Variants in RORA observed in about 807,000 individuals in gnomAD.
The protein encoded by RORA is RAR related orphan receptor A.
In RORA, 7 loss-of-function variants were observed where a neutral mutation model predicts 69.5. The ratio of observed to expected loss-of-function variants is 0.10; its 90% CI spans 0.06 to 0.19. The LOEUF (loss-of-function observed/expected upper bound fraction) is 0.19, where lower values mean the gene tolerates loss of function less well. Among genes scored for constraint, RORA ranks in the 10% least tolerant of loss-of-function variants. The probability of loss-of-function intolerance (pLI) is 1.00; values close to 1 mark genes in which losing one functional copy is unlikely to be tolerated. For missense variants in RORA, 457 were observed against 663.0 expected, an observed-to-expected ratio of 0.69 and a Z score of 3.41; for synonymous variants, 261 against 240.8, an observed-to-expected ratio of 1.08 and a Z score of -0.78.
chr15:60,863,999 A>G (rs1199388552), intron 1 of RORA, among the ~76,000 whole-genome samples: 1 of 151,850 alleles, frequency 6.6e-6, no homozygotes, highest in Non-Finnish European at 1.5e-5. Flanking sequence ...TAGAGAGGGA[A>G]TTTCACCATA....
intron 1 of RORA, among the ~76,000 whole-genome samples, chr15:61,012,691 C>T (rs888273479): frequency 1.6e-4 from 25 of 152,044 alleles, no homozygotes; most frequent in African/African-American, 4.8e-4. Context: ...ATTCTGTCAC[C>T]GAGGCTAGAG....
intron 1 of RORA, among the ~76,000 whole-genome samples, chr15:60,992,060 G>T (rs192275666): frequency 6.6e-6 from 1 of 152,210 alleles, no homozygotes; most frequent in African/African-American, 2.4e-5. Flanking sequence ...GTGAAATAGT[G>T]TTAAGTAAAA....
At chr15:61,136,828 A>G (rs1033217504) in intron 1 of RORA, among the ~76,000 whole-genome samples, 5 of 152,180 alleles carry the variant, frequency 3.3e-5, no homozygotes, top group African/African-American at 1.2e-4. Flanking sequence ...TCTTCCTAAC[A>G]TTTATGGTCT....
chr15:60,699,428 G>A (rs1030292764), intron 1 of RORA, among the ~76,000 whole-genome samples: 1 of 152,052 alleles, frequency 6.6e-6, no homozygotes, highest in Non-Finnish European at 1.5e-5. Context: ...ACTATCTTAT[G>A]TCTTTCTTTG....
chr15:61,135,187 C>T (rs1242134212), intron 1 of RORA, among the ~76,000 whole-genome samples: 1 of 147,688 alleles, frequency 6.8e-6, no homozygotes, highest in Non-Finnish European at 1.5e-5. Flanking sequence ...AAAAATTAGC[C>T]AAGCGTGGTG....
Position 60,493,636 on chromosome 15 carries a change from A to T in RORA, c.*3819T>A, listed in dbSNP as rs939114075. 2 of 152,144 alleles carry T rather than the reference A, an allele frequency of 1.3e-5. No homozygotes were observed. Among genetic ancestry groups the T allele is most frequent in the African/African-American group, 4.8e-5 (2 of 41,448 alleles). The allele number at this position is 152,144 out of a possible 1,614,324, so 9.4% of individuals were successfully genotyped here. A position where few individuals can be genotyped will look rare whatever the true frequency, so the allele number is the denominator to read the frequency against. ...ACAAATTCCATCAAGAAAATAATACAAAGTTTGTTTGTTTGTATTTTTTTT... is the reference window on the plus strand; with the variant it reads ...ACAAATTCCATCAAGAAAATAATACTAAGTTTGTTTGTTTGTATTTTTTTT... On this transcript the variant is annotated 3_prime_UTR_variant, in exon 11 of 11. Coordinates refer to ENST00000335670, the MANE Select transcript of RORA (RefSeq NM_134261.3).
intron 1 of RORA, chr15:60,848,596 T>C (rs905014454): frequency 6.6e-6 from 1 of 152,310 alleles, no homozygotes; most frequent in Non-Finnish European, 1.5e-5. Context: ...CACTGCGTAA[T>C]TTATAAAGAG....
At chr15:60,663,920 G>A (rs528970031) in intron 2 of RORA, among the ~76,000 whole-genome samples, 99 of 152,234 alleles carry the variant, frequency 6.5e-4, no homozygotes, top group African/African-American at 2.3e-3. Flanking sequence ...TAAGACTCTG[G>A]GATAGAACGA....
Position 60,976,156 on chromosome 15 carries a change from C to T in RORA, c.166+252897G>A, listed in dbSNP as rs564595711. Among the ~76,000 whole-genome samples the T allele has an allele frequency of 7.8e-4, 119 of 152,274 alleles. 1 individual carries two copies. The highest frequency in any genetic ancestry group is 2.6e-3 in the African/African-American group (109 of 41,572). Reference sequence around the variant, plus strand: ...CTAATGAGATTGCTGAGCCGTGGCTCGGAGTGCGTGGGCCTGGCCAGGTGG... The same window carrying T: ...CTAATGAGATTGCTGAGCCGTGGCTTGGAGTGCGTGGGCCTGGCCAGGTGG... On this transcript the variant is annotated intron_variant, in intron 1 of 10. Coordinates refer to ENST00000335670, the MANE Select transcript of RORA (RefSeq NM_134261.3).
At chr15:61,005,881 A>G (rs1240353141) in intron 1 of RORA, among the ~76,000 whole-genome samples, 1 of 152,206 alleles carries the variant, frequency 6.6e-6, no homozygotes, top group African/African-American at 2.4e-5. Context: ...TTCCTCATGA[A>G]TACAGATACT....
chr15:61,001,978 C>T (rs1566939423), intron 1 of RORA, among the ~76,000 whole-genome samples: 1 of 152,320 alleles, frequency 6.6e-6, no homozygotes, highest in South Asian at 2.1e-4. Context: ...TCAAACAGAG[C>T]GTGGCCCACG....
rs1385485955 is a variant in RORA at position 60,495,867 on chromosome 15, A to C, written c.*1588T>G. The stretch of plus-strand genomic sequence containing the variant: ...CCCCACTAGGGATCATTAAAAAAAA[A>C]AAAACCATGAAATTAAACAAAAACA... On this transcript the variant is annotated 3_prime_UTR_variant, in exon 11 of 11. Coordinates refer to ENST00000335670, the MANE Select transcript of RORA (RefSeq NM_134261.3). 6.6e-6 allele frequency: 1 copy of C among 152,076 alleles called. No homozygotes were observed. Among genetic ancestry groups the C allele is most frequent in the Non-Finnish European group, 1.5e-5 (1 of 68,010 alleles). 9.4% of individuals were successfully genotyped at this position (152,076 alleles called of 1,614,324 possible).
At chr15:60,689,853 G>C (rs1011737160) in intron 1 of RORA, among the ~76,000 whole-genome samples, 5 of 152,136 alleles carry the variant, frequency 3.3e-5, no homozygotes, top group Non-Finnish European at 7.4e-5. Flanking sequence ...TAGGAGAGAG[G>C]CTTCAGGAAC....
chr15:60,657,842 C>G (rs543713616), intron 2 of RORA, among the ~76,000 whole-genome samples: 2 of 152,198 alleles, frequency 1.3e-5, no homozygotes, highest in African/African-American at 2.4e-5. Context: ...GATGCTCTCT[C>G]GGTTCCTCCT....
chr15:61,172,839 G>A (rs1000758908), intron 1 of RORA, among the ~76,000 whole-genome samples: 5 of 151,806 alleles, frequency 3.3e-5, no homozygotes, highest in African/African-American at 4.9e-5. Context: ...TGGGCTGGGA[G>A]GAGCTAAAAA....
At chr15:60,967,868 C>T (rs913845876) in intron 1 of RORA, among the ~76,000 whole-genome samples, 2 of 152,162 alleles carry the variant, frequency 1.3e-5, no homozygotes, top group Admixed American at 6.5e-5. Flanking sequence ...TCCAGAAAGG[C>T]GGGGGTGCTT....
chr15:60,951,094 A>C (rs1444289051), intron 1 of RORA, among the ~76,000 whole-genome samples: 1 of 151,848 alleles, frequency 6.6e-6, no homozygotes, highest in African/African-American at 2.4e-5. Flanking sequence ...ACTATCTCTC[A>C]GACCACAGTG....
At chr15:60,947,005 C>T (rs1431378140) in intron 1 of RORA, among the ~76,000 whole-genome samples, 2 of 151,032 alleles carry the variant, frequency 1.3e-5, no homozygotes, top group African/African-American at 4.9e-5. Context: ...CCGCCCCTTC[C>T]GGGAGGGAGG....
chr15:61,183,891 TCAGACAGACACGC>T (rs2079713604), intron 1 of RORA, among the ~76,000 whole-genome samples: 1 of 152,150 alleles, frequency 6.6e-6, no homozygotes, highest in Non-Finnish European at 1.5e-5. Flanking sequence ...AGCAATTTTG[TCAGACAGACACGC>T]CTTGTCTAAC....
Sources: allele counts gnomAD v4.1 joint callset (sites outside exome capture counted in the v4.1 genomes callset), GRCh38; gene constraint gnomAD v4.1.1; transcripts MANE v1.5; gene names NCBI Gene and HGNC (gene_info 2026-07-23, HGNC 2026-07-21).